PLD2: variants seen among roughly 807,000 people sequenced by gnomAD.
PLD2 encodes choline phosphatase 2.
A neutral mutation model predicts 119.8 loss-of-function variants in PLD2; 101 were observed. That is an observed-to-expected ratio of 0.84 (90% CI 0.72 to 0.99). The LOEUF is 0.99. PLD2 is among the 50% of genes least tolerant of loss of function. PLD2 has a pLI of 0.00. For synonymous variants in PLD2, 494 were observed against 482.8 expected, an observed-to-expected ratio of 1.02 and a Z score of -0.30; for missense variants, 1,164 against 1,226.8, an observed-to-expected ratio of 0.95 and a Z score of 0.76.
chr17:4,810,234 C>A (rs1906321509), intron 9 of PLD2, among the ~76,000 whole-genome samples: 2 of 152,170 alleles, frequency 1.3e-5, no homozygotes. Flanking sequence ...TTAGTAGAAG[C>A]CTGGGAAGGG....
intron 10 of PLD2, among the ~76,000 whole-genome samples, chr17:4,812,253 A>T (rs951987100): frequency 6.7e-6 from 1 of 149,810 alleles, no homozygotes; most frequent in African/African-American, 2.5e-5. Flanking sequence ...AGTAGCTGGG[A>T]TCACAGGTGC....
In PLD2 at chr17:4,822,633, C is replaced by A. The variant is rs750689690; in HGVS notation, c.2578-7C>A. 2 of 1,597,272 alleles carry A rather than the reference C, an allele frequency of 1.3e-6. No individual in the cohort carries two copies. Among genetic ancestry groups the A allele is most frequent in the Non-Finnish European group, 1.7e-6 (2 of 1,168,566 alleles). ...AGCCTTACTGGCGTCCATGCCCCCG[C>A]CCACAGATCTTCCGCTGCCTGCCAT... On this transcript the variant is annotated splice_polypyrimidine_tract_variant and splice_region_variant and intron_variant, in intron 24 of 24. Coordinates refer to ENST00000263088, the MANE Select transcript of PLD2 (RefSeq NM_002663.5).
intron 17 of PLD2, 70 bp from the exon 18 acceptor site, chr17:4,817,932 T>C (rs886722725): frequency 1.8e-6 from 2 of 1,094,022 alleles, no homozygotes; most frequent in Non-Finnish European, 2.7e-6. Flanking sequence ...CACTCCAGCC[T>C]AGGCAACAGA....
At position 4,815,854 on chromosome 17, in the gene PLD2, G is replaced by C. The variant is rs763445487; in HGVS notation, c.1375G>C (p.Asp459His). ...AGTGGTAGCATTCCTGGGGGGACTGGACCTTGCCTATGGCCGCTGGGATGA... is the reference window on the plus strand; with the variant it reads ...AGTGGTAGCATTCCTGGGGGGACTGCACCTTGCCTATGGCCGCTGGGATGA... ...DQVVAFLGGL[D>H]LAYGRWDDLH... The change falls in exon 14 of 25, where the codon GAC becomes CAC. Residue 459 changes from aspartate (D) to histidine (H), a missense_variant. By Grantham distance (81) the Asp-to-His change is moderately conservative. Transcript: ENST00000263088. 1.9e-6 allele frequency: 3 copies of C among 1,613,996 alleles called. No individual in the cohort carries two copies. The highest frequency in any genetic ancestry group is 2.5e-6 in the Non-Finnish European group (3 of 1,180,026).
chr17:4,809,069 C>G, intron 4 of PLD2, 31 bp from the exon 5 acceptor site: 1 of 1,556,268 alleles, frequency 6.4e-7, no homozygotes, highest in Non-Finnish European at 8.9e-7. Context: ...CCTCCCAGCT[C>G]TTACCTGACC....
intron 21 of PLD2, 73 bp downstream of exon 21, chr17:4,818,896 G>A: frequency 6.5e-7 from 1 of 1,536,026 alleles, no homozygotes; most frequent in East Asian, 2.3e-5. Context: ...CAGGCCTGGG[G>A]GTGGGGGAAG....
rs201293948 is a variant in PLD2 at position 4,819,177 on chromosome 17, A to G, written c.2267A>G (p.His756Arg). ...CCCGTCTCGGAGCTCATCTACATCC[A>G]CAGCAAGGTGCTCATCGCAGATGAC... ...GHPVSELIYI[H>R]SKVLIADDRT... Residue 756 changes from histidine (H) to arginine (R), a missense_variant, in exon 22 of 25, where the codon CAC becomes CGC. Physicochemically the swap from His to Arg is conservative, Grantham distance 29 (BLOSUM62 0). Coordinates refer to ENST00000263088, the MANE Select transcript of PLD2 (RefSeq NM_002663.5). This position sits in a 1 kb window ranked among gnomAD's most constrained non-coding sequence, Gnocchi z 4.2. The G allele has an allele frequency of 9.0e-5, 146 of 1,614,132 alleles. No individual in the cohort carries two copies. The highest frequency in any genetic ancestry group is 1.1e-4 in the Non-Finnish European group (134 of 1,180,012).
At position 4,817,236 on chromosome 17, in the gene PLD2, G is replaced by A. The variant is rs368012043; in HGVS notation, c.1792G>A (p.Gly598Arg). The change falls in exon 17 of 25, where the codon GGA (glycine) becomes AGA (arginine). Residue 598 changes from glycine to arginine, a missense_variant. Transcript: ENST00000263088. ...TANQLPFTLP[G>R]GQCTTVQVLR... ...CAATCAGCTCCCCTTCACACTTCCAGGAGGGCAGTGCACCACCGTACAGGT... is the reference window on the plus strand; with the variant it reads ...CAATCAGCTCCCCTTCACACTTCCAAGAGGGCAGTGCACCACCGTACAGGT... 7.4e-5 allele frequency: 119 copies of A among 1,612,576 alleles called. No individual in the cohort carries two copies. Among genetic ancestry groups the A allele is most frequent in the Non-Finnish European group, 9.8e-5 (115 of 1,178,778 alleles).
At chr17:4,821,950 T>C (rs1907720175) in intron 24 of PLD2, 43 bp downstream of exon 24, 1 of 1,284,376 alleles carries the variant, frequency 7.8e-7, no homozygotes, top group South Asian at 1.2e-5. Flanking sequence ...CTGGGGAAAT[T>C]TGTGGATTAT....
In PLD2 at chr17:4,810,958, C is replaced by T. The variant is rs1906402539; in HGVS notation, c.1010+7C>T. 6.2e-7 allele frequency: 1 copy of T among 1,605,946 alleles called. No individual in the cohort carries two copies. The highest frequency in any genetic ancestry group is 8.5e-7 in the Non-Finnish European group (1 of 1,178,042). On this transcript the variant is annotated splice_region_variant and intron_variant, in intron 10 of 24. Transcript: ENST00000263088. ...CTGGGACCTTGGCCCGGTGGTGAGA[C>T]ACTGACATCCCTTCTGAGCTTGTCT...
In PLD2 at chr17:4,808,503, C is replaced by T. The variant is rs2302327; in HGVS notation, c.383+87C>T. ...TCTCACCCCGGGGCCACAACCTTTC[C>T]TCCCTGCAACTCTGGCCACTGTGCT... is the stretch of plus-strand genomic sequence containing the variant. On this transcript the variant is annotated intron_variant, in intron 4 of 24. Transcript: ENST00000263088. The surrounding 1 kb of genome is among the most constrained non-coding windows in gnomAD (Gnocchi z 4.1). 0.11 allele frequency: 141,717 copies of T among 1,322,384 alleles called. 14,020 individuals carry two copies. Among genetic ancestry groups the T allele is most frequent in the East Asian group, 0.45 (19,394 of 43,332 alleles). The allele number at this position is 1,322,384 out of a possible 1,614,324, so 81.9% of individuals were successfully genotyped here. A position where few individuals can be genotyped will look rare whatever the true frequency, so the allele number is the denominator to read the frequency against.
At position 4,816,659 on chromosome 17, in the gene PLD2, C is replaced by T; in HGVS notation, c.1495C>T (p.Leu499Phe). 6.2e-7 allele frequency: 1 copy of T among 1,614,124 alleles called. No homozygotes were observed. Among genetic ancestry groups the T allele is most frequent in the South Asian group, 1.1e-5 (1 of 91,084 alleles). The change falls in exon 15 of 25, where the codon CTC becomes TTC. Residue 499 changes from leucine (L) to phenylalanine (F), a missense_variant. Physicochemically the swap from Leu to Phe is conservative, Grantham distance 22. Coordinates refer to ENST00000263088, the MANE Select transcript of PLD2 (RefSeq NM_002663.5). ...PRPDSPATPD[L>F]SHNQFFWLGK... ...CCCAGACTCACCAGCCACCCCAGAC[C>T]TCTCTCACAACCAATTCTTCTGGCT... is the stretch of plus-strand genomic sequence containing the variant.
In PLD2 at chr17:4,819,696, A is replaced by G. The variant is rs1237120455; in HGVS notation, c.2462+114A>G. The G allele has an allele frequency of 2.9e-6, 3 of 1,046,852 alleles. No homozygotes were observed. Among genetic ancestry groups the G allele is most frequent in the African/African-American group, 3.2e-5 (2 of 62,660 alleles). The allele number at this position is 1,046,852 out of a possible 1,614,324, so 64.8% of individuals were successfully genotyped here. On this transcript the variant is annotated intron_variant, in intron 23 of 24. Coordinates refer to ENST00000263088, the MANE Select transcript of PLD2 (RefSeq NM_002663.5). The surrounding 1 kb of genome is among the most constrained non-coding windows in gnomAD (Gnocchi z 4.2). ...TCCCGGAGCCAGAGGTAGAGGCAGTACTAGATTCTCAATAGGCAAGGCTGG... is the reference window on the plus strand; with the variant it reads ...TCCCGGAGCCAGAGGTAGAGGCAGTGCTAGATTCTCAATAGGCAAGGCTGG...
At position 4,816,589 on chromosome 17, in the gene PLD2, T is replaced by C. The variant is rs762054090; in HGVS notation, c.1456-31T>C. On this transcript the variant is annotated intron_variant, in intron 14 of 24. Transcript: ENST00000263088. The stretch of plus-strand genomic sequence containing the variant: ...TCTGTACAGCCCCATGACTTCCCCT[T>C]GCCCCTGGCTTGGGTGTGTTCCCCC... 6.8e-6 allele frequency: 11 copies of C among 1,612,046 alleles called. 1 individual carries two copies. In the South Asian group the frequency reaches 1.2e-4, roughly 18 times the overall value.
intron 17 of PLD2, 45 bp downstream of exon 17, chr17:4,817,304 G>A (rs1025634867): frequency 8.1e-7 from 1 of 1,231,222 alleles, no homozygotes; most frequent in South Asian, 1.2e-5. Flanking sequence ...GTCTCCTTCA[G>A]CCTAACACCC....
chr17:4,820,958 A>T (rs2150681687), intron 23 of PLD2, among the ~76,000 whole-genome samples: 1 of 149,260 alleles, frequency 6.7e-6, no homozygotes, highest in African/African-American at 2.5e-5. Context: ...GCTGGAGTGC[A>T]GTGGCGCGAT....
Position 4,807,804 on chromosome 17 carries a change from C to T in PLD2, c.32C>T (p.Thr11Ile), listed in dbSNP as rs1363631356. Residue 11 changes from threonine to isoleucine, a missense_variant, in exon 2 of 25, where the codon ACT (threonine) becomes ATT (isoleucine). Thr to Ile is a moderately conservative substitution (Grantham distance 89). Coordinates refer to ENST00000263088, the MANE Select transcript of PLD2 (RefSeq NM_002663.5). The surrounding 1 kb of genome is among the most constrained non-coding windows in gnomAD (Gnocchi z 5.4). MTATPESLFPTGDELDSSQLQ... is the reference protein window; with the variant it reads MTATPESLFPIGDELDSSQLQ... ...GCGACCCCTGAGAGCCTCTTCCCCA[C>T]TGGGGACGAACTGGACTCCAGCCAG... The T allele has an allele frequency of 1.2e-6, 2 of 1,611,218 alleles. No individual in the cohort carries two copies. The highest frequency in any genetic ancestry group is 1.7e-5 in the Admixed American group (1 of 59,976).
intron 10 of PLD2, chr17:4,814,157 A>T (rs769213291): frequency 3.0e-4 from 111 of 365,006 alleles, no homozygotes; most frequent in Non-Finnish European, 3.9e-4. Flanking sequence ...TTGTCGATTT[A>T]TTGGTGTTCT....
chr17:4,821,412 T>C (rs1397703921), intron 23 of PLD2, among the ~76,000 whole-genome samples: 1 of 152,148 alleles, frequency 6.6e-6, no homozygotes, highest in Non-Finnish European at 1.5e-5. Context: ...TTGTTTGTTT[T>C]GAGATAGGGT....
Sources: gnomAD v4.1 joint callset for allele counts (sites outside exome capture counted in the v4.1 genomes callset) on GRCh38, gnomAD v4.1.1 for gene constraint, Gnocchi (gnomAD v3.1) non-coding constraint, MANE v1.5 for transcripts, NCBI Gene and HGNC (gene_info 2026-07-23, HGNC 2026-07-21) for gene names.